The following CACNA1E variants were observed in gnomAD, a reference collection of about 807,000 sequenced individuals.
CACNA1E encodes the protein voltage-dependent R-type calcium channel subunit alpha-1E.
CACNA1E carries 40 observed loss-of-function variants against 259.2 expected under a neutral mutation model. The ratio of observed to expected loss-of-function variants is 0.15; its 90% CI spans 0.12 to 0.20. CACNA1E has a LOEUF of 0.20. Among genes scored for constraint, CACNA1E ranks in the 10% least tolerant of loss-of-function variants. CACNA1E has a pLI of 1.00. For synonymous variants in CACNA1E, 1,104 were observed against 1,138.5 expected, an observed-to-expected ratio of 0.97 and a Z score of 0.61; for missense variants, 1,874 against 3,040.1, an observed-to-expected ratio of 0.62 and a Z score of 9.02.
chr1:181,418,467 C>A (rs1658451847), intron 2 of CACNA1E, among the ~76,000 whole-genome samples: 1 of 152,122 alleles, frequency 6.6e-6, no homozygotes, highest in Non-Finnish European at 1.5e-5. Flanking sequence ...TTGCCCAGTC[C>A]CAGACCTTTG....
chr1:181,350,344 G>A (rs548890722), intron 1 of CACNA1E, among the ~76,000 whole-genome samples: 1 of 152,318 alleles, frequency 6.6e-6, no homozygotes, highest in African/African-American at 2.4e-5. Context: ...GGTGGTTCCT[G>A]CAGCTGCTCC....
intron 1 of CACNA1E, among the ~76,000 whole-genome samples, chr1:181,351,087 G>T (rs1222942678): frequency 1.3e-5 from 2 of 152,238 alleles, no homozygotes; most frequent in African/African-American, 2.4e-5. Context: ...GTGACATTTA[G>T]GTTTAGACCA....
chr1:181,646,260 G>T (rs1658254608), intron 6 of CACNA1E, among the ~76,000 whole-genome samples: 1 of 152,214 alleles, frequency 6.6e-6, no homozygotes, highest in Non-Finnish European at 1.5e-5. Context: ...GGCAATTTTT[G>T]ATTGTTGCAT....
At chr1:181,774,240 T>TTAA (rs1308697011) in intron 37 of CACNA1E, among the ~76,000 whole-genome samples, 2 of 152,244 alleles carry the variant, frequency 1.3e-5, no homozygotes, top group Non-Finnish European at 2.9e-5. Context: ...TTCATTGACA[T>TTAA]TAATAATAGG....
At chr1:181,355,807 C>T (rs1296109906) in intron 1 of CACNA1E, among the ~76,000 whole-genome samples, 1 of 152,090 alleles carries the variant, frequency 6.6e-6, no homozygotes, top group Non-Finnish European at 1.5e-5. Flanking sequence ...GATGTTAAAG[C>T]TGAATTGATA....
At position 181,804,050 on chromosome 1, in the gene CACNA1E, A is replaced by G. The variant is rs1417266677; in HGVS notation, c.*5216A>G. 6.6e-6 allele frequency: 1 copy of G among 152,224 alleles called. No homozygotes were observed. Among genetic ancestry groups the G allele is most frequent in the Non-Finnish European group, 1.5e-5 (1 of 68,040 alleles). The allele number at this position is 152,224 out of a possible 1,614,324, so 9.4% of individuals were successfully genotyped here. A position where few individuals can be genotyped will look rare whatever the true frequency, so the allele number is the denominator to read the frequency against. Reference sequence around the variant, plus strand: ...GCAAAAGGAGATTTTATAATAAGCCATGCTACCTGTAAATACATTATTGAG... The same window carrying G: ...GCAAAAGGAGATTTTATAATAAGCCGTGCTACCTGTAAATACATTATTGAG... On this transcript the variant is annotated 3_prime_UTR_variant, in exon 48 of 48. Transcript: ENST00000367573.
chr1:181,536,006 A>G (rs1048115945), intron 3 of CACNA1E, among the ~76,000 whole-genome samples: 9 of 152,132 alleles, frequency 5.9e-5, no homozygotes, highest in Non-Finnish European at 1.3e-4. Context: ...ATTTCTTTAC[A>G]GATAACTTTT....
At position 181,413,880 on chromosome 1, in the gene CACNA1E, G is replaced by T. The variant is rs113251757; in HGVS notation, c.434+300G>T. Among the ~76,000 whole-genome samples, 213 of 152,308 alleles carry T rather than the reference G, an allele frequency of 1.4e-3. 1 individual carries two copies. The highest frequency in any genetic ancestry group is 6.8e-3 in the Middle Eastern group (2 of 294). On this transcript the variant is annotated intron_variant, in intron 2 of 11. Transcript: ENST00000524607. ...TAAGAGCCTGTGGAGAAAGAACTGGGGTCTGTTTCATTCTCTGAGCTTTCC... is the reference window on the plus strand; with the variant it reads ...TAAGAGCCTGTGGAGAAAGAACTGGTGTCTGTTTCATTCTCTGAGCTTTCC...
Position 181,798,798 on chromosome 1 carries a change from C to A in CACNA1E, c.6906C>A (p.Asn2302Lys), listed in dbSNP as rs1342464777. The A allele has an allele frequency of 1.9e-6, 3 of 1,546,632 alleles. No individual in the cohort carries two copies. The highest frequency in any genetic ancestry group is 2.6e-6 in the Non-Finnish European group (3 of 1,146,312). ...GCATGATGTGTGGGGCTGTCAACAA[C>A]CTGCTAAGTGACACGGAAGAAGATG... Reference protein sequence around the residue: ...GPGMMCGAVNNLLSDTEEDDK... With the variant: ...GPGMMCGAVNKLLSDTEEDDK... The change falls in exon 48 of 48, where the codon AAC becomes AAA. Residue 2302 changes from asparagine (N) to lysine (K), a missense_variant. By Grantham distance (94) the Asn-to-Lys change is moderately conservative (BLOSUM62 0). Coordinates refer to ENST00000367573, the MANE Select transcript of CACNA1E (RefSeq NM_001205293.3). The surrounding 1 kb of genome is among the most constrained non-coding windows in gnomAD (Gnocchi z 4.2).
At chr1:181,480,972 CACTT>C (rs1663192042), upstream of CACNA1E, among the ~76,000 whole-genome samples, 1 of 152,188 alleles carries the variant, frequency 6.6e-6, no homozygotes, top group African/African-American at 2.4e-5. Context: ...GAGCGACATA[CACTT>C]AATAATTTCT....
At chr1:181,780,559 G>A (rs1278604887) in intron 38 of CACNA1E, among the ~76,000 whole-genome samples, 1 of 152,204 alleles carries the variant, frequency 6.6e-6, no homozygotes, top group Admixed American at 6.5e-5. Flanking sequence ...GGCCTGGGAT[G>A]GTGACACGGT....
intron 6 of CACNA1E, among the ~76,000 whole-genome samples, chr1:181,639,186 C>A (rs917822733): frequency 3.3e-5 from 5 of 151,870 alleles, no homozygotes; most frequent in Middle Eastern, 3.4e-3. Flanking sequence ...TGACCAGGTT[C>A]ACGCCATTCT....
chr1:181,608,523 G>C (rs945244754), intron 6 of CACNA1E, among the ~76,000 whole-genome samples: 2 of 152,270 alleles, frequency 1.3e-5, no homozygotes, highest in African/African-American at 2.4e-5. Context: ...TTTGGGCAGA[G>C]GTATGTGAGT....
intron 35 of CACNA1E, among the ~76,000 whole-genome samples, chr1:181,766,927 T>G (rs754431411): frequency 1.3e-5 from 2 of 152,210 alleles, no homozygotes; most frequent in African/African-American, 4.8e-5. Flanking sequence ...ACCATTGTTC[T>G]TAGCCAGAAA....
chr1:181,317,772 T>G (rs1358414935), exon 1 of CACNA1E: 1 of 152,074 alleles, frequency 6.6e-6, no homozygotes, highest in Non-Finnish European at 1.5e-5. Context: ...CCCTCCTCCT[T>G]TGTTAGTCCC....
intron 7 of CACNA1E, among the ~76,000 whole-genome samples, chr1:181,691,342 T>C (rs552644312): frequency 6.6e-6 from 1 of 152,224 alleles, no homozygotes; most frequent in South Asian, 2.1e-4. Context: ...CATTTTCTGT[T>C]CTGCTATCTG....
intron 1 of CACNA1E, among the ~76,000 whole-genome samples, chr1:181,494,432 G>C (rs1217168656): frequency 6.7e-6 from 1 of 149,686 alleles, no homozygotes; most frequent in East Asian, 2.0e-4. Context: ...CTCTCACTCT[G>C]TTCTCATTCA....
chr1:181,764,116 G>A (rs1658821140), intron 34 of CACNA1E, among the ~76,000 whole-genome samples: 1 of 152,198 alleles, frequency 6.6e-6, no homozygotes, highest in South Asian at 2.1e-4. Flanking sequence ...TTAATATGAT[G>A]TGTTTCCTCT....
chr1:181,715,952 G>A (rs1241080369), intron 9 of CACNA1E, 88 bp from the exon 10 acceptor site: 12 of 798,278 alleles, frequency 1.5e-5, no homozygotes, highest in Non-Finnish European at 2.4e-5. Context: ...CTCACACAAG[G>A]CATCTTGCCT....
Sources: gnomAD v4.1 joint callset for allele counts (sites outside exome capture counted in the v4.1 genomes callset) on GRCh38, gnomAD v4.1.1 for gene constraint, Gnocchi (gnomAD v3.1) non-coding constraint, MANE v1.5 for transcripts, NCBI Gene and HGNC (gene_info 2026-07-23, HGNC 2026-07-21) for gene names.